The following SGK3 variants were observed in gnomAD, a reference collection of about 807,000 sequenced individuals.
SGK3 encodes serum/glucocorticoid regulated kinase family member 3.
In SGK3, 47 loss-of-function variants were observed where a neutral mutation model predicts 68.5. The ratio of observed to expected loss-of-function variants is 0.69; its 90% CI spans 0.54 to 0.87. SGK3 has a LOEUF of 0.87. SGK3 is among the 40% of genes least tolerant of loss of function. SGK3 has a pLI of 0.00. For missense variants in SGK3, 479 were observed against 575.5 expected (o/e 0.83, Z 1.72); for synonymous variants, 181 against 189.1 (o/e 0.96, Z 0.35).
At chr8:66,749,303 G>T (rs946940070) in intron 1 of SGK3, among the ~76,000 whole-genome samples, 1 of 152,034 alleles carries the variant, frequency 6.6e-6, no homozygotes, top group Admixed American at 6.6e-5. Flanking sequence ...CACGAGGCCC[G>T]GAGTTCGAGA....
intron 15 of SGK3, among the ~76,000 whole-genome samples, chr8:66,848,832 T>G (rs1563659480): frequency 2.0e-5 from 3 of 152,220 alleles, no homozygotes; most frequent in Non-Finnish European, 4.4e-5. Context: ...GAAGTTTTCT[T>G]TGTTCAGTCT....
At chr8:66,764,927 T>C (rs1298712872) in intron 1 of SGK3, among the ~76,000 whole-genome samples, 3 of 152,230 alleles carry the variant, frequency 2.0e-5, no homozygotes, top group Non-Finnish European at 2.9e-5. Context: ...TTCCATTGAA[T>C]GTATATACCA....
rs779664394 is a variant in SGK3, at chr8:66,840,029, G to C, written c.768G>C (p.Arg256=). Reference sequence around the variant, plus strand: ...TTTTTTTCCACTTACAAAGAGAACGGTCCTTTCCTGAGCACAGAGCTAGGT... The same window carrying C: ...TTTTTTTCCACTTACAAAGAGAACGCTCCTTTCCTGAGCACAGAGCTAGGT... ...GELFFHLQRE[R]SFPEHRARFY... The change falls in exon 11 of 17, where the codon CGG becomes CGC. Residue 256 remains arginine (R), a synonymous_variant. Transcript: ENST00000521198. The C allele has an allele frequency of 4.3e-6, 7 of 1,613,454 alleles. No homozygotes were observed. The South Asian group carries it at 7.7e-5, about 18-fold the overall frequency.
At chr8:66,798,398 G>A (rs560462837) in intron 2 of SGK3, 144 bp from the exon 3 acceptor site, 67 of 562,458 alleles carry the variant, frequency 1.2e-4, no homozygotes, top group African/African-American at 9.8e-4. Flanking sequence ...TATCAGTTTC[G>A]GAATATGAAA....
At chr8:66,760,801 A>T (rs2130460155) in intron 1 of SGK3, among the ~76,000 whole-genome samples, 1 of 152,318 alleles carries the variant, frequency 6.6e-6, no homozygotes, top group African/African-American at 2.4e-5. Flanking sequence ...TAAGATTTTG[A>T]TATATAGCAG....
intron 16 of SGK3, among the ~76,000 whole-genome samples, chr8:66,855,395 G>A (rs907437484): frequency 2.0e-5 from 3 of 152,064 alleles, no homozygotes; most frequent in Non-Finnish European, 4.4e-5. Flanking sequence ...TAGAGATGGG[G>A]TTTCACCATG....
chr8:66,855,186 AATTTC>A (rs1239116291), intron 16 of SGK3, among the ~76,000 whole-genome samples: 1 of 152,106 alleles, frequency 6.6e-6, no homozygotes, highest in Non-Finnish European at 1.5e-5. Context: ...GACTACATAA[AATTTC>A]ATTTCATTTC....
intron 6 of SGK3, among the ~76,000 whole-genome samples, chr8:66,827,715 A>T (rs994134720): frequency 6.6e-6 from 1 of 152,200 alleles, no homozygotes; most frequent in African/African-American, 2.4e-5. Context: ...TCTTCATAGC[A>T]TACTAGGTAA....
At chr8:66,854,476 A>T (rs937943079) in intron 16 of SGK3, among the ~76,000 whole-genome samples, 1 of 152,170 alleles carries the variant, frequency 6.6e-6, no homozygotes, top group Admixed American at 6.5e-5. Context: ...GCCATGCTCC[A>T]AGTGGGTCAT....
chr8:66,763,114 A>C, intron 1 of SGK3, among the ~76,000 whole-genome samples: 1 of 152,234 alleles, frequency 6.6e-6, no homozygotes, highest in East Asian at 1.9e-4. Flanking sequence ...CTGTAACAAG[A>C]AACTTCTCCT....
chr8:66,741,337 G>A (rs1271891196), intron 1 of SGK3, among the ~76,000 whole-genome samples: 1 of 152,072 alleles, frequency 6.6e-6, no homozygotes, highest in African/African-American at 2.4e-5. Flanking sequence ...ATCATTTGAG[G>A]TCAGGAGTTT....
chr8:66,732,960 C>T (rs1805212330), intron 1 of SGK3, among the ~76,000 whole-genome samples: 2 of 152,198 alleles, frequency 1.3e-5, no homozygotes, highest in Non-Finnish European at 2.9e-5. Context: ...TTTAATTAAT[C>T]CTATTGTATA....
At chr8:66,830,495 C>G (rs749796827) in intron 7 of SGK3, among the ~76,000 whole-genome samples, 4 of 152,136 alleles carry the variant, frequency 2.6e-5, no homozygotes, top group African/African-American at 4.8e-5. Context: ...ATTTATTCCC[C>G]TCTTCCCATA....
intron 3 of SGK3, among the ~76,000 whole-genome samples, chr8:66,800,834 G>GT (rs1442027646): frequency 6.6e-6 from 1 of 152,108 alleles, no homozygotes; most frequent in Non-Finnish European, 1.5e-5. Context: ...AAAATAAAAA[G>GT]TTAGCTGGGT....
intron 1 of SGK3, among the ~76,000 whole-genome samples, chr8:66,746,929 A>G (rs957144428): frequency 1.3e-5 from 2 of 152,066 alleles, no homozygotes; most frequent in Admixed American, 6.6e-5. Context: ...GTTGACACCT[A>G]ATTAGTCAAC....
intron 3 of SGK3, among the ~76,000 whole-genome samples, chr8:66,800,688 A>G (rs1807906107): frequency 6.6e-6 from 1 of 152,210 alleles, no homozygotes; most frequent in East Asian, 1.9e-4. Flanking sequence ...GCATTTCACT[A>G]TGTATGTATT....
intron 1 of SGK3, among the ~76,000 whole-genome samples, chr8:66,728,976 T>A (rs1384682507): frequency 6.6e-6 from 1 of 151,792 alleles, no homozygotes; most frequent in Non-Finnish European, 1.5e-5. Context: ...TCCCAGCACT[T>A]TGGGAGGCTG....
chr8:66,843,192 A>G (rs1031140787), intron 13 of SGK3, among the ~76,000 whole-genome samples: 1 of 152,220 alleles, frequency 6.6e-6, no homozygotes, highest in African/African-American at 2.4e-5. Flanking sequence ...TATAGATTCT[A>G]CCTTCGCGAT....
At chr8:66,773,029 C>T (rs1005064426) in intron 1 of SGK3, among the ~76,000 whole-genome samples, 2 of 152,172 alleles carry the variant, frequency 1.3e-5, no homozygotes, top group Non-Finnish European at 1.5e-5. Context: ...ACAGACATCC[C>T]TGAGCTGGGC....
Sources: allele counts gnomAD v4.1 joint callset (sites outside exome capture counted in the v4.1 genomes callset), GRCh38; gene constraint gnomAD v4.1.1; transcripts MANE v1.5; gene names NCBI Gene and HGNC (gene_info 2026-07-23, HGNC 2026-07-21).